ZNF620: variants seen among roughly 807,000 people sequenced by gnomAD.
The protein encoded by ZNF620 is zinc finger protein 620.
A neutral mutation model predicts 13.3 loss-of-function variants in ZNF620; 10 were observed. The ratio of observed to expected loss-of-function variants is 0.75; its 90% confidence interval spans 0.46 to 1.28. The LOEUF is 1.28. Ranked by LOEUF, ZNF620 falls within the 50% of genes most tolerant of loss-of-function variation. The pLI, the probability that ZNF620 is intolerant of heterozygous loss-of-function variation, is 0.00. For missense variants in ZNF620, 461 were observed against 500.2 expected (o/e 0.92, Z 0.75); for synonymous variants, 166 against 177.6 (o/e 0.93, Z 0.52).
At position 40,516,557 on chromosome 3, in the gene ZNF620, A is replaced by G. The variant is rs370135310; in HGVS notation, c.963A>G (p.Ser321=). 8 of 1,614,110 alleles carry G rather than the reference A, an allele frequency of 5.0e-6. No homozygotes were observed. The African/African-American group carries it at 5.3e-5, about 11-fold the overall frequency. Residue 321 remains serine, a synonymous_variant, in exon 5 of 5, where the codon TCA becomes TCG. Coordinates refer to ENST00000314529, the MANE Select transcript of ZNF620 (RefSeq NM_175888.4). The part of the protein sequence containing the change: ...NECWKTFSCS[S]SFTVHQRMHT... ...GTTGGAAAACTTTCAGTTGCAGCTCAAGTTTCACTGTCCATCAGCGAATGC... is the reference window on the plus strand; with the variant it reads ...GTTGGAAAACTTTCAGTTGCAGCTCGAGTTTCACTGTCCATCAGCGAATGC...
At position 40,506,146 on chromosome 3, in the gene ZNF620, A is replaced by G; in HGVS notation, c.-50+8A>G. 4 of 654,634 alleles carry G rather than the reference A, an allele frequency of 6.1e-6. No individual in the cohort carries two copies. Among genetic ancestry groups the G allele is most frequent in the Non-Finnish European group, 1.1e-5 (4 of 366,314 alleles). The allele number at this position is 654,634 out of a possible 1,614,324, so 40.6% of individuals were successfully genotyped here. A position where few individuals can be genotyped will look rare whatever the true frequency, so the allele number is the denominator to read the frequency against. On this transcript the variant is annotated splice_region_variant and intron_variant, in intron 1 of 4. Transcript: ENST00000314529. ...AAGAGGTTCGCGGTCCGGGTAACTG[A>G]TTGGTTTTCCTGGGGCTTGTTCTGC...
Position 40,517,090 on chromosome 3 carries a change from A to G in ZNF620, c.*227A>G. 1 of 418,370 alleles carries G rather than the reference A, an allele frequency of 2.4e-6. No individual in the cohort carries two copies. Among genetic ancestry groups the G allele is most frequent in the Non-Finnish European group, 4.1e-6 (1 of 242,940 alleles). 25.9% of individuals were successfully genotyped at this position (418,370 alleles called of 1,614,324 possible). On this transcript the variant is annotated 3_prime_UTR_variant, in exon 5 of 5. Transcript: ENST00000314529. ...CATAAAAGGAAATGTAAGTTTCCAG[A>G]TTTAAAGGACATGCTGGGTGCCCAG...
In ZNF620 at chr3:40,518,269, CTT is replaced by C. The variant is rs1698444349; in HGVS notation, c.*1408_*1409del. 6.6e-6 allele frequency: 1 copy of C among 152,190 alleles called. No individual in the cohort carries two copies. Among genetic ancestry groups the C allele is most frequent in the Non-Finnish European group, 1.5e-5 (1 of 68,048 alleles). 9.4% of individuals were successfully genotyped at this position (152,190 alleles called of 1,614,324 possible). A position where few individuals can be genotyped will look rare whatever the true frequency, so the allele number is the denominator to read the frequency against. On this transcript the variant is annotated 3_prime_UTR_variant, in exon 5 of 5. Coordinates refer to ENST00000314529, the MANE Select transcript of ZNF620 (RefSeq NM_175888.4). ...GATTAATAATACAGAGCCAGGCAGA[CTT>C]TGGTTTGAGTCCAGGTGTTTGTCCT...
intron 4 of ZNF620, 144 bp downstream of exon 4, chr3:40,512,659 T>C: frequency 1.6e-6 from 1 of 640,876 alleles, no homozygotes; most frequent in Non-Finnish European, 2.7e-6. Context: ...GAGTTCATGG[T>C]GGTAGCCTAC....
chr3:40,509,382 C>T (rs1287493449), intron 2 of ZNF620, among the ~76,000 whole-genome samples: 3 of 152,176 alleles, frequency 2.0e-5, no homozygotes, highest in African/African-American at 7.2e-5. Flanking sequence ...AGGCACACAC[C>T]ACCATGCCTG....
chr3:40,517,810 A>G lies in ZNF620; in HGVS notation c.*947A>G, dbSNP rs1226064015. Reference sequence around the variant, plus strand: ...GACAGATATATGGATTCCCTATTGCAGTCCGTACGTCAGAAGTCTCCTAAA... The same window carrying G: ...GACAGATATATGGATTCCCTATTGCGGTCCGTACGTCAGAAGTCTCCTAAA... On this transcript the variant is annotated 3_prime_UTR_variant, in exon 5 of 5. Transcript: ENST00000314529. The G allele has an allele frequency of 6.6e-6, 1 of 152,242 alleles. No homozygotes were observed. Among genetic ancestry groups the G allele is most frequent in the East Asian group, 1.9e-4 (1 of 5,202 alleles). The allele number at this position is 152,242 out of a possible 1,614,324, so 9.4% of individuals were successfully genotyped here. A position where few individuals can be genotyped will look rare whatever the true frequency, so the allele number is the denominator to read the frequency against.
intron 3 of ZNF620, 86 bp from the exon 4 acceptor site, chr3:40,512,316 C>T (rs1375999716): frequency 9.0e-7 from 1 of 1,114,956 alleles, no homozygotes; most frequent in Non-Finnish European, 1.3e-6. Context: ...CACTACCTGG[C>T]TCAGCAGATA....
chr3:40,509,938 T>A (rs1698143876), intron 2 of ZNF620, among the ~76,000 whole-genome samples: 1 of 152,188 alleles, frequency 6.6e-6, no homozygotes, highest in Non-Finnish European at 1.5e-5. Flanking sequence ...AATTGTTTTA[T>A]ATAATTTGTC....
chr3:40,507,661 C>T (rs1698070729), intron 2 of ZNF620, among the ~76,000 whole-genome samples: 1 of 152,118 alleles, frequency 6.6e-6, no homozygotes, highest in African/African-American at 2.4e-5. Context: ...GAGTTGACTG[C>T]ATTTCTTCCT....
At position 40,506,043 on chromosome 3, in the gene ZNF620, T is replaced by C. The variant is rs1698004429; in HGVS notation, c.-145T>C. ...GCACTTCCGGCGGAGGGTCTCAAGC[T>C]TTCCCCGGTGTCGGCGGCAGGTGGA... On this transcript the variant is annotated 5_prime_UTR_variant, in exon 1 of 5. Coordinates refer to ENST00000314529, the MANE Select transcript of ZNF620 (RefSeq NM_175888.4). 2 of 488,414 alleles carry C rather than the reference T, an allele frequency of 4.1e-6. No individual in the cohort carries two copies. Among genetic ancestry groups the C allele is most frequent in the Non-Finnish European group, 7.5e-6 (2 of 266,974 alleles). The allele number at this position is 488,414 out of a possible 1,614,324, so 30.3% of individuals were successfully genotyped here.
Position 40,516,738 on chromosome 3 carries a change from C to T in ZNF620, c.1144C>T (p.His382Tyr). ...AFNQKITLIQ[H>Y]QRVHTGEKPY... is the part of the protein sequence containing the mutation. ...CAATCAGAAAATAACCCTGATTCAG[C>T]ACCAGCGAGTTCACACTGGCGAGAA... is the stretch of plus-strand genomic sequence containing the variant. The change falls in exon 5 of 5, where the codon CAC becomes TAC. Residue 382 changes from histidine (H) to tyrosine (Y), a missense_variant. By Grantham distance (83) the His-to-Tyr change is moderately conservative (BLOSUM62 2). Coordinates refer to ENST00000314529, the MANE Select transcript of ZNF620 (RefSeq NM_175888.4). 3 of 1,614,184 alleles carry T rather than the reference C, an allele frequency of 1.9e-6. No homozygotes were observed. Among genetic ancestry groups the T allele is most frequent in the Non-Finnish European group, 2.5e-6 (3 of 1,180,020 alleles).
chr3:40,513,316 A>AAAAATATATATATAT (rs1193351404), intron 4 of ZNF620, among the ~76,000 whole-genome samples: 1 of 62,674 alleles, frequency 1.6e-5, no homozygotes, highest in African/African-American at 8.5e-5. Flanking sequence ...AAAAAAAAAA[A>AAAAATATATATATAT]ATATATATAT....
rs748708814 is a variant in ZNF620, at chr3:40,516,119, A to G, written c.525A>G (p.Lys175=). The stretch of plus-strand genomic sequence containing the variant: ...GAGAGAAGTTTGAGAAATTAGGAAA[A>G]AATATTAGCGTCAGCACACAACTCA... ...KNGEKFEKLG[K]NISVSTQLTT... Residue 175 remains lysine (K), a synonymous_variant, in exon 5 of 5, where the codon AAA becomes AAG. Transcript: ENST00000314529. The G allele has an allele frequency of 1.2e-6, 2 of 1,614,094 alleles. No homozygotes were observed. Among genetic ancestry groups the G allele is most frequent in the Admixed American group, 1.7e-5 (1 of 60,016 alleles).
intron 2 of ZNF620, among the ~76,000 whole-genome samples, chr3:40,510,013 G>A (rs546416065): frequency 6.6e-6 from 1 of 152,046 alleles, no homozygotes; most frequent in African/African-American, 2.4e-5. Flanking sequence ...ATAAGAACTG[G>A]AAGTTTTCCC....
chr3:40,512,270 C>A, intron 3 of ZNF620, 132 bp from the exon 4 acceptor site: 2 of 756,136 alleles, frequency 2.6e-6, no homozygotes, highest in East Asian at 5.3e-5. Context: ...CCTCCAGCAG[C>A]ATAGATTAAG....
intron 2 of ZNF620, among the ~76,000 whole-genome samples, chr3:40,509,234 CT>C (rs919068326): frequency 3.3e-5 from 5 of 151,432 alleles, no homozygotes; most frequent in Non-Finnish European, 5.9e-5. Flanking sequence ...TCTTTCTTTT[CT>C]TTTTTTTCTT....
At position 40,506,393 on chromosome 3, in the gene ZNF620, T is replaced by TGCCAA; in HGVS notation, c.24+17_24+18insGCCAA. 1 of 1,556,004 alleles carries TGCCAA rather than the reference T, an allele frequency of 6.4e-7. No homozygotes were observed. Among genetic ancestry groups the TGCCAA allele is most frequent in the Non-Finnish European group, 8.8e-7 (1 of 1,132,300 alleles). ...TGGCGCCAGGTGAGTGAGCATCCTC[T>TGCCAA]CCCTCCCTCCCACCCTTTAGATGTC... On this transcript the variant is annotated intron_variant, in intron 2 of 4. Coordinates refer to ENST00000314529, the MANE Select transcript of ZNF620 (RefSeq NM_175888.4).
At chr3:40,513,317 A>AAAAT (rs751114191) in intron 4 of ZNF620, among the ~76,000 whole-genome samples, 1 of 90,378 alleles carries the variant, frequency 1.1e-5, no homozygotes, top group African/African-American at 4.7e-5. Context: ...AAAAAAAAAA[A>AAAAT]TATATATATA....
In ZNF620 at chr3:40,516,527, C is replaced by T. The variant is rs375417538; in HGVS notation, c.933C>T (p.Asn311=). Residue 311 remains asparagine (N), a synonymous_variant, in exon 5 of 5, where the codon AAC becomes AAT. Transcript: ENST00000314529. ...CTGGGGAGAAGCTCTATGAATGTAA[C>T]GAATGTTGGAAAACTTTCAGTTGCA... ...FHTGEKLYEC[N]ECWKTFSCSS... 1.1e-4 allele frequency: 182 copies of T among 1,613,808 alleles called. No individual in the cohort carries two copies. Among genetic ancestry groups the T allele is most frequent in the Non-Finnish European group, 1.5e-4 (177 of 1,179,940 alleles).
Sources: gnomAD v4.1 joint callset for allele counts (sites outside exome capture counted in the v4.1 genomes callset) on GRCh38, gnomAD v4.1.1 for gene constraint, MANE v1.5 for transcripts, NCBI Gene and HGNC (gene_info 2026-07-23, HGNC 2026-07-21) for gene names.